USP36: variants seen among roughly 807,000 people sequenced by gnomAD.
The protein encoded by USP36 is ubiquitin specific peptidase 36.
Under a neutral mutation model 111.5 loss-of-function variants are expected in USP36, and 59 were observed. That is an observed-to-expected ratio of 0.53 (90% CI 0.43 to 0.66). The LOEUF is 0.66. Ranked by LOEUF, USP36 falls within the 30% of genes least tolerant of loss-of-function variation. The probability of loss-of-function intolerance (pLI) is 0.00; values close to 1 mark genes in which losing one functional copy is unlikely to be tolerated. For missense variants in USP36, 1,488 were observed against 1,468.0 expected (o/e 1.01, Z -0.22); for synonymous variants, 628 against 581.0 (o/e 1.08, Z -1.16).
Position 78,819,961 on chromosome 17 carries a change from G to A in USP36, c.880C>T (p.Leu294=). Reference sequence around the variant, plus strand: ...CACATGTAGGCATTCTCTCCACTCAGGACATCTGCTTTCACAAAAAGTTCC... The same window carrying A: ...CACATGTAGGCATTCTCTCCACTCAAGACATCTGCTTTCACAAAAAGTTCC... ...ALELFVKADV[L]SGENAYMCAK... The change falls in exon 9 of 21, where the codon CTG becomes TTG. Residue 294 remains leucine (L), a synonymous_variant. Coordinates refer to ENST00000449938, the MANE Select transcript of USP36 (RefSeq NM_001385174.1). 6.2e-7 allele frequency: 1 copy of A among 1,614,134 alleles called. No individual in the cohort carries two copies. The highest frequency in any genetic ancestry group is 8.5e-7 in the Non-Finnish European group (1 of 1,180,016).
chr17:78,840,476 C>G (rs1047650966), intron 1 of USP36: 2 of 152,428 alleles, frequency 1.3e-5, no homozygotes, highest in East Asian at 1.9e-4. Flanking sequence ...GCCCGGGGGA[C>G]GGCGGAGACC....
Position 78,802,341 on chromosome 17 carries a change from C to T in USP36, c.3005G>A (p.Cys1002Tyr), listed in dbSNP as rs1394443507. ...SSCAPSANGW[C>Y]PGDRMGLSQA... ...GTGCATACCCATGCGGTCCCCAGGA[C>T]ACCAGCCATTCGCGGATGGTGCGCA... Residue 1002 changes from cysteine to tyrosine, a missense_variant, in exon 17 of 21, where the codon TGT becomes TAT. Around this residue, in one of 3 missense-constraint regions of USP36, gnomAD observed 1,073 missense variants for 994.1 expected, o/e 1.08. Transcript: ENST00000449938. 1.3e-6 allele frequency: 2 copies of T among 1,587,784 alleles called. No individual in the cohort carries two copies. The highest frequency in any genetic ancestry group is 4.6e-5 in the East Asian group (2 of 43,898).
Position 78,834,977 on chromosome 17 carries a change from T to C in USP36, c.475+303A>G, listed in dbSNP as rs796939882. Reference sequence around the variant, plus strand: ...GCCTGGGTGTCAGAGCAAGATACTGTCTCTAAAAAAATAATATTTGTATAT... The same window carrying C: ...GCCTGGGTGTCAGAGCAAGATACTGCCTCTAAAAAAATAATATTTGTATAT... On this transcript the variant is annotated intron_variant, in intron 4 of 20. Transcript: ENST00000449938. 6.1e-5 allele frequency among the ~76,000 whole-genome samples: 8 copies of C among 130,670 alleles called. 1 individual carries two copies. Among genetic ancestry groups the C allele is most frequent in the African/African-American group, 2.7e-4 (8 of 29,806 alleles). The allele number at this position is 130,670 out of a possible 152,430, so 85.7% of individuals were successfully genotyped here.
intron 6 of USP36, among the ~76,000 whole-genome samples, chr17:78,823,664 T>C (rs1436535552): frequency 1.3e-5 from 2 of 151,434 alleles, no homozygotes; most frequent in African/African-American, 4.9e-5. Context: ...GGAGTAGCAG[T>C]CTCCACAGGC....
chr17:78,827,298 G>A lies in USP36; in HGVS notation c.636C>T (p.Phe212=), dbSNP rs1159765397. Residue 212 remains phenylalanine (F), a synonymous_variant, in exon 6 of 21, where the codon TTC becomes TTT. Coordinates refer to ENST00000449938, the MANE Select transcript of USP36 (RefSeq NM_001385174.1). ...RFGNQEDAHE[F]LRYTIDAMQK... ...GCATGGCGTCGATGGTGTACCGCAG[G>A]AACTCATGCGCGTCCTCCTGGTTCC... 3.7e-6 allele frequency: 6 copies of A among 1,613,856 alleles called. No homozygotes were observed. In the East Asian group the frequency reaches 8.9e-5, roughly 24 times the overall value.
intron 12 of USP36, among the ~76,000 whole-genome samples, chr17:78,813,209 G>A (rs1055670474): frequency 1.3e-5 from 2 of 152,142 alleles, no homozygotes; most frequent in Non-Finnish European, 2.9e-5. Context: ...TATAAGCAGA[G>A]CAAGGGCAAA....
intron 4 of USP36, among the ~76,000 whole-genome samples, chr17:78,829,494 G>T (rs59341814): frequency 0.057 from 8,633 of 152,178 alleles, 777 homozygotes; most frequent in African/African-American, 0.2. Context: ...TAAACACCTC[G>T]CTAGGATACA....
Position 78,807,536 on chromosome 17 carries a change from C to A in USP36, c.1508G>T (p.Gly503Val). The stretch of plus-strand genomic sequence containing the variant: ...CGAGGGCAGCTTTGGAGGAATGCAG[C>A]CGTTCTGGGACTTCAGGCCCAGGGT... ...GSTLGLKSQN[G>V]CIPPKLPSGS... The change falls in exon 14 of 21, where the codon GGC (glycine) becomes GTC (valine). Residue 503 changes from glycine (G) to valine (V), a missense_variant. Around this residue, in one of 3 missense-constraint regions of USP36, gnomAD observed 1,073 missense variants for 994.1 expected, o/e 1.08. Coordinates refer to ENST00000449938, the MANE Select transcript of USP36 (RefSeq NM_001385174.1). 1 of 1,613,346 alleles carries A rather than the reference C, an allele frequency of 6.2e-7. No individual in the cohort carries two copies.
chr17:78,832,549 A>G (rs1426967531), intron 4 of USP36, among the ~76,000 whole-genome samples: 1 of 152,236 alleles, frequency 6.6e-6, no homozygotes, highest in East Asian at 1.9e-4. Flanking sequence ...TGCTGCTGAC[A>G]TGCTGCAACA....
downstream of USP36, chr17:78,795,513 G>C (rs540023304): frequency 4.6e-5 from 7 of 152,126 alleles, no homozygotes; most frequent in Non-Finnish European, 5.9e-5. This position sits in a 1 kb window ranked among gnomAD's most constrained non-coding sequence, Gnocchi z 4.5. Flanking sequence ...ATAACCTCCT[G>C]GTCACTGAGC....
intron 4 of USP36, among the ~76,000 whole-genome samples, chr17:78,832,863 C>A (rs1313250175): frequency 1.3e-5 from 2 of 152,180 alleles, no homozygotes; most frequent in South Asian, 4.1e-4. Flanking sequence ...CAACAATGTG[C>A]TTCTGCAGGG....
At chr17:78,826,352 ACT>A (rs1432310188) in intron 6 of USP36, 1 of 152,062 alleles carries the variant, frequency 6.6e-6, no homozygotes, top group Admixed American at 6.6e-5. Context: ...ACATGGCAAA[ACT>A]CTGTCTCTAC....
At chr17:78,831,254 G>T (rs66508511) in intron 4 of USP36, among the ~76,000 whole-genome samples, 1 of 49,110 alleles carries the variant, frequency 2.0e-5, no homozygotes, top group East Asian at 5.5e-4. Flanking sequence ...AAAAAAAAAA[G>T]GGACAACATA....
intron 17 of USP36, among the ~76,000 whole-genome samples, chr17:78,800,035 A>C (rs950090849): frequency 1.4e-4 from 21 of 151,548 alleles, no homozygotes; most frequent in African/African-American, 5.1e-4. Context: ...ACTAATGCTT[A>C]CATGCTTAAT....
At chr17:78,789,360 CAGA>C (rs945354841) in intron 3 of USP36, among the ~76,000 whole-genome samples, 20 of 152,150 alleles carry the variant, frequency 1.3e-4, no homozygotes, top group South Asian at 8.3e-4. Flanking sequence ...CCCTCCCACC[CAGA>C]AGGAGTAGGC....
At chr17:78,799,964 G>A (rs1017557049) in intron 17 of USP36, among the ~76,000 whole-genome samples, 196 bp from the exon 18 acceptor site, 1 of 138,212 alleles carries the variant, frequency 7.2e-6, no homozygotes, top group African/African-American at 2.6e-5. Flanking sequence ...GACTCCCACT[G>A]GCCTCCCAAG....
chr17:78,804,887 G>A (rs1338782012), intron 15 of USP36, among the ~76,000 whole-genome samples: 1 of 152,094 alleles, frequency 6.6e-6, no homozygotes, highest in Non-Finnish European at 1.5e-5. Flanking sequence ...TCCAACCTCC[G>A]AAAGTCTCAG....
At chr17:78,820,068 A>G (rs1026029554) in intron 8 of USP36, 56 bp from the exon 9 acceptor site, 3 of 1,570,234 alleles carry the variant, frequency 1.9e-6, no homozygotes, top group Middle Eastern at 1.7e-4. Flanking sequence ...AGGCTGATTC[A>G]AGAAATGCCA....
At chr17:78,833,887 G>A (rs755178802) in intron 4 of USP36, among the ~76,000 whole-genome samples, 3 of 152,102 alleles carry the variant, frequency 2.0e-5, no homozygotes, top group Non-Finnish European at 4.4e-5. Context: ...AATGAGCTGG[G>A]AAAGATTCTC....
Sources: gnomAD v4.1 joint callset for allele counts (sites outside exome capture counted in the v4.1 genomes callset) on GRCh38, gnomAD v4.1.1 for gene constraint, gnomAD v4.1.1 regional missense constraint, Gnocchi (gnomAD v3.1) non-coding constraint, MANE v1.5 for transcripts, NCBI Gene and HGNC (gene_info 2026-07-23, HGNC 2026-07-21) for gene names.